S1PR3: variants seen among roughly 807,000 people sequenced by gnomAD.
S1PR3 encodes sphingosine-1-phosphate receptor 3.
A neutral mutation model predicts 13.3 loss-of-function variants in S1PR3; 12 were observed. The ratio of observed to expected loss-of-function variants is 0.90; its 90% CI spans 0.58 to 1.46. The LOEUF (loss-of-function observed/expected upper bound fraction) is 1.46. Among genes scored for constraint, S1PR3 ranks in the 40% most tolerant of loss-of-function variants. The pLI is 0.00. For synonymous variants in S1PR3, 232 were observed against 214.0 expected (o/e 1.08, Z -0.73); for missense variants, 450 against 501.9 (o/e 0.90, Z 0.99).
upstream of S1PR3, chr9:88,991,463 C>A (rs1463831619): frequency 3.2e-6 from 5 of 1,546,490 alleles, no homozygotes; most frequent in Non-Finnish European, 3.5e-6. The surrounding 1 kb of genome is among the most constrained non-coding windows in gnomAD (Gnocchi z 4.0). Flanking sequence ...CTGACTCGCT[C>A]GGGCAGAGGC....
intron 1 of S1PR3, chr9:88,994,828 A>C (rs1001049747): frequency 4.2e-5 from 7 of 167,122 alleles, no homozygotes; most frequent in African/African-American, 1.7e-4. Flanking sequence ...TTTGAAGAAG[A>C]GAAGGGAGAA....
At chr9:89,000,986 C>G in intron 1 of S1PR3, 68 bp from the exon 2 acceptor site, 1 of 586,542 alleles carries the variant, frequency 1.7e-6, no homozygotes. Context: ...TCTCCAACAG[C>G]GTTGCCGTGG....
chr9:88,998,900 C>T (rs1825836324), intron 1 of S1PR3: 1 of 152,430 alleles, frequency 6.6e-6, no homozygotes, highest in South Asian at 2.1e-4. Flanking sequence ...ATGGTCTCTT[C>T]TCAGGTGAAT....
In S1PR3 at chr9:89,002,129, T is replaced by G. The variant is rs1238277011; in HGVS notation, c.929T>G (p.Phe310Cys). The change falls in exon 2 of 2, where the codon TTC becomes TGC. Residue 310 changes from phenylalanine (F) to cysteine (C), a missense_variant. Physicochemically the swap from Phe to Cys is radical, Grantham distance 205 (BLOSUM62 -2). Transcript: ENST00000358157. Reference protein sequence around the residue: ...LASKEMRRAFFRLVCNCLVRG... With the variant: ...LASKEMRRAFCRLVCNCLVRG... ...AGCAAGGAGATGCGGCGGGCCTTCT[T>G]CCGTCTGGTCTGCAACTGCCTGGTC... is the stretch of plus-strand genomic sequence containing the variant. 1.2e-6 allele frequency: 2 copies of G among 1,613,646 alleles called. No homozygotes were observed. The highest frequency in any genetic ancestry group is 1.7e-6 in the Non-Finnish European group (2 of 1,180,014).
rs754277517 is a variant in S1PR3, at chr9:89,002,137, G to C, written c.937G>C (p.Val313Leu). ...KEMRRAFFRL[V>L]CNCLVRGRGA... ...GATGCGGCGGGCCTTCTTCCGTCTGGTCTGCAACTGCCTGGTCAGGGGACG... is the reference window on the plus strand; with the variant it reads ...GATGCGGCGGGCCTTCTTCCGTCTGCTCTGCAACTGCCTGGTCAGGGGACG... Residue 313 changes from valine (V) to leucine (L), a missense_variant, in exon 2 of 2, where the codon GTC (valine) becomes CTC (leucine). Val to Leu is a conservative substitution (Grantham distance 32). Coordinates refer to ENST00000358157, the MANE Select transcript of S1PR3 (RefSeq NM_005226.4). The C allele has an allele frequency of 5.6e-6, 9 of 1,613,764 alleles. 1 individual carries two copies. The highest frequency in any genetic ancestry group is 2.2e-5 in the South Asian group (2 of 91,074).
chr9:88,998,986 G>A (rs1825837736), intron 1 of S1PR3: 1 of 152,310 alleles, frequency 6.6e-6, no homozygotes, highest in East Asian at 1.9e-4. Flanking sequence ...TGCCTGTCAT[G>A]GCTCATGAGT....
chr9:89,001,269 G>A lies in S1PR3; in HGVS notation c.69G>A (p.Gln23=), dbSNP rs1471376699. The change falls in exon 2 of 2, where the codon CAG becomes CAA. Residue 23 remains glutamine, a synonymous_variant. Coordinates refer to ENST00000358157, the MANE Select transcript of S1PR3 (RefSeq NM_005226.4). The part of the protein sequence containing the change: ...RGNETLREHY[Q]YVGKLAGRLK... ...ACGAGACCCTGCGGGAGCATTACCA[G>A]TACGTGGGGAAGTTGGCGGGCAGGC... The A allele has an allele frequency of 1.9e-6, 3 of 1,614,106 alleles. No individual in the cohort carries two copies. The highest frequency in any genetic ancestry group is 2.5e-6 in the Non-Finnish European group (3 of 1,180,050).
At chr9:88,994,237 C>T (rs1344400453) in intron 1 of S1PR3, 2 of 167,448 alleles carry the variant, frequency 1.2e-5, no homozygotes. Context: ...GTGACACCCC[C>T]CCTCCCCCAG....
chr9:88,991,094 A>G (rs1825686578), upstream of S1PR3: 2 of 1,613,170 alleles, frequency 1.2e-6, no homozygotes, highest in African/African-American at 1.3e-5. The surrounding 1 kb of genome is among the most constrained non-coding windows in gnomAD (Gnocchi z 4.0). Context: ...CGCCCGCCCA[A>G]GCCCAGACCT....
upstream of S1PR3, chr9:88,991,253 G>A (rs755012741): frequency 1.9e-6 from 3 of 1,551,170 alleles, no homozygotes; most frequent in South Asian, 1.2e-5. This position sits in a 1 kb window ranked among gnomAD's most constrained non-coding sequence, Gnocchi z 4.0. Context: ...TAGGGTCGGG[G>A]AGAAGGGGTC....
At chr9:88,991,425 C>G (rs1162050269), upstream of S1PR3, 2 of 1,535,280 alleles carry the variant, frequency 1.3e-6, no homozygotes, top group East Asian at 2.5e-5. This position sits in a 1 kb window ranked among gnomAD's most constrained non-coding sequence, Gnocchi z 4.0. Context: ...GGGTCCCGCC[C>G]CGGCGGGCCG....
At chr9:88,992,675 A>G (rs1377142462) in intron 1 of S1PR3, 8 of 152,332 alleles carry the variant, frequency 5.3e-5, no homozygotes, top group Non-Finnish European at 4.4e-5. Flanking sequence ...TAATTCCTAG[A>G]AAGTACAAGG....
chr9:88,990,926 A>G, upstream of S1PR3: 1 of 1,590,672 alleles, frequency 6.3e-7, no homozygotes, highest in Admixed American at 1.7e-5. Context: ...AGAAGCCCAA[A>G]CAAAAACGCT....
At chr9:88,994,854 C>T (rs909309883) in intron 1 of S1PR3, 1 of 167,116 alleles carries the variant, frequency 6.0e-6, no homozygotes. Context: ...ACAAAACCCT[C>T]ACCTGGTTTG....
At chr9:88,993,239 A>G (rs1426682383) in intron 1 of S1PR3, 1 of 152,650 alleles carries the variant, frequency 6.6e-6, no homozygotes, top group East Asian at 1.9e-4. Flanking sequence ...GGAAATTATG[A>G]CATTAACTTG....
chr9:88,992,897 A>G (rs2118580059), intron 1 of S1PR3: 1 of 152,730 alleles, frequency 6.5e-6, no homozygotes, highest in Middle Eastern at 3.4e-3. Flanking sequence ...CCATAGAAGA[A>G]GAACCGCACG....
chr9:88,991,633 C>T lies in S1PR3; in HGVS notation c.-210C>T, dbSNP rs1423885818. 3.3e-6 allele frequency: 5 copies of T among 1,528,054 alleles called. No individual in the cohort carries two copies. The highest frequency in any genetic ancestry group is 2.1e-5 in the Admixed American group (1 of 48,038). The allele number at this position is 1,528,054 out of a possible 1,614,324, so 94.7% of individuals were successfully genotyped here. A position where few individuals can be genotyped will look rare whatever the true frequency, so the allele number is the denominator to read the frequency against. On this transcript the variant is annotated 5_prime_UTR_variant, in exon 1 of 2. Transcript: ENST00000358157. This position sits in a 1 kb window ranked among gnomAD's most constrained non-coding sequence, Gnocchi z 4.0. Reference sequence around the variant, plus strand: ...GGCATTCGAGCGCAGGACCGGGCGCCCCGGCACCGCCGCGCGCCACCCGCT... The same window carrying T: ...GGCATTCGAGCGCAGGACCGGGCGCTCCGGCACCGCCGCGCGCCACCCGCT...
rs1465483553 is a variant in S1PR3, at chr9:89,002,347, T to C, written c.*10T>C. 1.9e-6 allele frequency: 3 copies of C among 1,613,012 alleles called. No homozygotes were observed. Among genetic ancestry groups the C allele is most frequent in the Non-Finnish European group, 2.5e-6 (3 of 1,179,214 alleles). ...GATCTTCTGCAACTGATCGTCTCCA[T>C]GCGCCCTGCTCTGCGGCTGTGTTCT... On this transcript the variant is annotated 3_prime_UTR_variant, in exon 2 of 2. Coordinates refer to ENST00000358157, the MANE Select transcript of S1PR3 (RefSeq NM_005226.4).
chr9:88,995,548 G>A (rs936465578), intron 1 of S1PR3: 14 of 166,760 alleles, frequency 8.4e-5, no homozygotes, highest in African/African-American at 2.2e-4. Flanking sequence ...TCCAGAAGGC[G>A]TCTTATTCCT....
Sources: gnomAD v4.1 joint callset for allele counts on GRCh38, gnomAD v4.1.1 for gene constraint, Gnocchi (gnomAD v3.1) non-coding constraint, MANE v1.5 for transcripts, NCBI Gene and HGNC (gene_info 2026-07-23, HGNC 2026-07-21) for gene names.